Variants in TRAPPC9 observed in about 807,000 individuals in gnomAD.
The protein encoded by TRAPPC9 is IKK2 binding protein.
In TRAPPC9, 83 loss-of-function variants were observed where a neutral mutation model predicts 124.0. The ratio of observed to expected loss-of-function variants is 0.67; its 90% CI spans 0.56 to 0.80. The LOEUF is 0.80. Ranked by LOEUF, TRAPPC9 falls within the 30% of genes least tolerant of loss-of-function variation. The pLI, the probability that TRAPPC9 is intolerant of heterozygous loss-of-function variation, is 0.00. For missense variants in TRAPPC9, 1,302 were observed against 1,508.3 expected, an observed-to-expected ratio of 0.86 and a Z score of 2.27; for synonymous variants, 638 against 617.5, an observed-to-expected ratio of 1.03 and a Z score of -0.49.
intron 21 of TRAPPC9, among the ~76,000 whole-genome samples, chr8:139,875,155 G>A (rs1257822654): frequency 2.0e-5 from 3 of 152,158 alleles, no homozygotes; most frequent in Non-Finnish European, 4.4e-5. Flanking sequence ...TAGACAGGAC[G>A]GGGGAAGAAG....
At position 139,729,029 on chromosome 8, in the gene TRAPPC9, T is replaced by C. The variant is rs117278353; in HGVS notation, c.*2032A>G. Among the ~76,000 whole-genome samples, 975 of 152,356 alleles carry C rather than the reference T, an allele frequency of 6.4e-3. 6 individuals are homozygous for C. Among genetic ancestry groups the C allele is most frequent in the Non-Finnish European group, 0.01 (705 of 68,026 alleles). ...TAATCTGGATCTGTGGCTGGATCTATATCTGTAGCTATGTGTGTACCTGTA... is the reference window on the plus strand; with the variant it reads ...TAATCTGGATCTGTGGCTGGATCTACATCTGTAGCTATGTGTGTACCTGTA... On this transcript the variant is annotated 3_prime_UTR_variant, in exon 23 of 23. Coordinates refer to ENST00000438773, the MANE Select transcript of TRAPPC9 (RefSeq NM_001160372.4).
rs1304300174 is a variant in TRAPPC9 at position 140,451,356 on chromosome 8, G to A, written c.18C>T (p.Tyr6=). 7 of 1,604,202 alleles carry A rather than the reference G, an allele frequency of 4.4e-6. No individual in the cohort carries two copies. Among genetic ancestry groups the A allele is most frequent in the African/African-American group, 2.7e-5 (2 of 74,944 alleles). MSVPD[Y]MQCAEDHQTL... ...TCTGGTGGTCCTCAGCACACTGCAT[G>A]TAGTCAGGGACGCTCATTTTGAAGT... The change falls in exon 2 of 23, where the codon TAC becomes TAT. Residue 6 remains tyrosine (Y), a synonymous_variant. Transcript: ENST00000438773.
At chr8:139,789,896 G>T (rs577991680) in intron 21 of TRAPPC9, among the ~76,000 whole-genome samples, 2 of 152,120 alleles carry the variant, frequency 1.3e-5, no homozygotes, top group South Asian at 2.1e-4. Flanking sequence ...ATTTGAAGGC[G>T]GTGCTCTGAT....
chr8:140,444,973 TC>T (rs1588370320), intron 2 of TRAPPC9, among the ~76,000 whole-genome samples: 1 of 151,582 alleles, frequency 6.6e-6, no homozygotes, highest in Non-Finnish European at 1.5e-5. Flanking sequence ...GCATTCTCCC[TC>T]GCTCAGCTCA....
chr8:140,295,573 G>A (rs902255879), intron 11 of TRAPPC9, among the ~76,000 whole-genome samples: 1 of 152,216 alleles, frequency 6.6e-6, no homozygotes, highest in Non-Finnish European at 1.5e-5. Context: ...TGAGGCCAGT[G>A]TTGCAGTCAT....
chr8:140,081,895 C>T (rs1843846171), intron 17 of TRAPPC9: 1 of 152,384 alleles, frequency 6.6e-6, no homozygotes, highest in African/African-American at 2.4e-5. Context: ...ACAGGAGGAA[C>T]TCCGTGAATA....
chr8:140,297,211 A>G (rs925998392), intron 11 of TRAPPC9, among the ~76,000 whole-genome samples: 1 of 152,212 alleles, frequency 6.6e-6, no homozygotes, highest in African/African-American at 2.4e-5. Context: ...CTGTCACCTC[A>G]TGTTCTCCAG....
chr8:140,127,491 C>T (rs1287072203), intron 17 of TRAPPC9, among the ~76,000 whole-genome samples: 1 of 152,212 alleles, frequency 6.6e-6, no homozygotes, highest in Non-Finnish European at 1.5e-5. Flanking sequence ...ATGCTTCATC[C>T]ATGACCCTAT....
chr8:140,255,365 A>AT (rs770797503), intron 15 of TRAPPC9, among the ~76,000 whole-genome samples: 30 of 152,382 alleles, frequency 2.0e-4, no homozygotes, highest in Middle Eastern at 6.8e-3. Context: ...AAGACTTGGC[A>AT]TATTATACAT....
At chr8:139,744,485 C>G (rs1818762033) in intron 21 of TRAPPC9, among the ~76,000 whole-genome samples, 1 of 152,188 alleles carries the variant, frequency 6.6e-6, no homozygotes, top group Non-Finnish European at 1.5e-5. Flanking sequence ...AGGACTTGCT[C>G]CGTCTCCGTG....
chr8:140,012,749 C>T (rs562334250), intron 18 of TRAPPC9, among the ~76,000 whole-genome samples: 3 of 152,296 alleles, frequency 2.0e-5, no homozygotes, highest in African/African-American at 7.2e-5. Flanking sequence ...ACCTGCAACA[C>T]GGGGCAACAC....
chr8:140,086,237 T>C (rs1396931688), intron 17 of TRAPPC9, among the ~76,000 whole-genome samples: 1 of 151,596 alleles, frequency 6.6e-6, no homozygotes, highest in African/African-American at 2.4e-5. Context: ...TCCCAGAGTA[T>C]GGAGGATGAA....
At chr8:140,061,491 GGCACAGTGAGTACAGAGCCATGTCC>G (rs1842612564) in intron 17 of TRAPPC9, among the ~76,000 whole-genome samples, 1 of 152,152 alleles carries the variant, frequency 6.6e-6, no homozygotes, top group Non-Finnish European at 1.5e-5. Context: ...CACAGGCCAC[GGCACAGTGAGTACAGAGCCATGTCC>G]GCTCTGACAG....
In TRAPPC9 at chr8:139,765,200, C is replaced by T. The variant is rs546673798; in HGVS notation, c.3056-32998G>A. Among the ~76,000 whole-genome samples, 5 of 152,308 alleles carry T rather than the reference C, an allele frequency of 3.3e-5. No homozygotes were observed. The South Asian group carries it at 1.0e-3, about 32-fold the overall frequency. On this transcript the variant is annotated intron_variant, in intron 21 of 22. Transcript: ENST00000438773. ...TCTCTCCAGTTGGTTCGTTTGTTCT[C>T]CATCCCATCGCTCAGAGGCGGACCT...
At chr8:139,925,073 G>A (rs150581113) in intron 19 of TRAPPC9, among the ~76,000 whole-genome samples, 9 of 152,260 alleles carry the variant, frequency 5.9e-5, no homozygotes, top group Non-Finnish European at 1.0e-4. Flanking sequence ...GAAAGCTCCC[G>A]AAAAGCACAC....
Position 140,252,651 on chromosome 8 carries a change from T to C in TRAPPC9, c.2431+126A>G. On this transcript the variant is annotated intron_variant, in intron 16 of 22. Transcript: ENST00000438773. The surrounding 1 kb of genome is among the most constrained non-coding windows in gnomAD (Gnocchi z 4.2). Reference sequence around the variant, plus strand: ...GTTAACAAAGTGCCCAGGAGATGTCTCAGGCAGCTTGAGTTAATGAATGAC... The same window carrying C: ...GTTAACAAAGTGCCCAGGAGATGTCCCAGGCAGCTTGAGTTAATGAATGAC... 8.9e-7 allele frequency: 1 copy of C among 1,120,572 alleles called. No individual in the cohort carries two copies. The highest frequency in any genetic ancestry group is 1.3e-6 in the Non-Finnish European group (1 of 753,388). 69.4% of individuals were successfully genotyped at this position (1,120,572 alleles called of 1,614,324 possible). A position where few individuals can be genotyped will look rare whatever the true frequency, so the allele number is the denominator to read the frequency against.
chr8:139,909,716 CA>C (rs1286258920), intron 20 of TRAPPC9, among the ~76,000 whole-genome samples: 3 of 152,212 alleles, frequency 2.0e-5, no homozygotes, highest in Non-Finnish European at 2.9e-5. Context: ...AAACTCTCTC[CA>C]ACTTTTCAAA....
At position 140,171,832 on chromosome 8, in the gene TRAPPC9, G is replaced by T. The variant is rs542476759; in HGVS notation, c.2556+49627C>A. On this transcript the variant is annotated intron_variant, in intron 17 of 22. Transcript: ENST00000438773. Reference sequence around the variant, plus strand: ...TAGTGCATTCAAAGCAGGACTCTGGGGTAGGAGTATGGCCGCACCAACCAA... The same window carrying T: ...TAGTGCATTCAAAGCAGGACTCTGGTGTAGGAGTATGGCCGCACCAACCAA... 7.8e-4 allele frequency among the ~76,000 whole-genome samples: 119 copies of T among 152,294 alleles called. 1 individual carries two copies. Among genetic ancestry groups the T allele is most frequent in the African/African-American group, 2.8e-3 (117 of 41,562 alleles).
intron 17 of TRAPPC9, among the ~76,000 whole-genome samples, chr8:140,158,553 T>C (rs1200897021): frequency 2.0e-5 from 3 of 152,226 alleles, no homozygotes; most frequent in East Asian, 3.8e-4. Context: ...TTTGTGTTGT[T>C]TTAAGCCACT....
Sources: gnomAD v4.1 joint callset for allele counts (sites outside exome capture counted in the v4.1 genomes callset) on GRCh38, gnomAD v4.1.1 for gene constraint, Gnocchi (gnomAD v3.1) non-coding constraint, MANE v1.5 for transcripts, NCBI Gene and HGNC (gene_info 2026-07-23, HGNC 2026-07-21) for gene names.